The following DLGAP2 variants were observed in gnomAD, a reference collection of about 807,000 sequenced individuals.
The protein encoded by DLGAP2 is disks large-associated protein 2.
A neutral mutation model predicts 100.3 loss-of-function variants in DLGAP2; 26 were observed. That is an observed-to-expected ratio of 0.26 (90% confidence interval 0.19 to 0.36). The LOEUF (loss-of-function observed/expected upper bound fraction) is 0.36, where lower values mean the gene tolerates loss of function less well. DLGAP2 is among the 10% of genes least tolerant of loss of function. The probability of loss-of-function intolerance (pLI) is 1.00; values close to 1 mark genes in which losing one functional copy is unlikely to be tolerated. For synonymous variants in DLGAP2, 886 were observed against 630.1 expected, an observed-to-expected ratio of 1.41 and a Z score of -6.08; for missense variants, 1,858 against 1,453.2, an observed-to-expected ratio of 1.28 and a Z score of -4.53.
intron 12 of DLGAP2, among the ~76,000 whole-genome samples, chr8:1,683,987 T>TATATATATAC (rs1178906686): frequency 3.7e-4 from 37 of 99,666 alleles, no homozygotes; most frequent in African/African-American, 1.2e-3. Flanking sequence ...TATATATATA[T>TATATATATAC]ACTTTTTTTT....
chr8:1,203,430 C>T (rs1472582114), intron 2 of DLGAP2, among the ~76,000 whole-genome samples: 2 of 151,856 alleles, frequency 1.3e-5, no homozygotes, highest in Non-Finnish European at 2.9e-5. Context: ...GACTGATGAC[C>T]CTGAGAGTTG....
intron 3 of DLGAP2, among the ~76,000 whole-genome samples, chr8:1,497,213 G>A (rs1271861407): frequency 6.6e-6 from 1 of 152,188 alleles, no homozygotes; most frequent in Non-Finnish European, 1.5e-5. Flanking sequence ...AGACTTCTCA[G>A]TCAAAGGCAC....
chr8:1,126,944 C>T (rs931838458), intron 2 of DLGAP2, among the ~76,000 whole-genome samples: 1 of 151,602 alleles, frequency 6.6e-6, no homozygotes, highest in Non-Finnish European at 1.5e-5. Context: ...TTATGAGGGA[C>T]CCCCAACCTT....
At chr8:1,693,684 A>G (rs553399280) in intron 13 of DLGAP2, among the ~76,000 whole-genome samples, 23 of 152,328 alleles carry the variant, frequency 1.5e-4, no homozygotes, top group African/African-American at 4.8e-4. Flanking sequence ...TAGGATCATT[A>G]AAAAGTATGC....
chr8:1,489,254 G>A (rs1180852420), intron 3 of DLGAP2, among the ~76,000 whole-genome samples: 1 of 152,188 alleles, frequency 6.6e-6, no homozygotes, highest in Non-Finnish European at 1.5e-5. Flanking sequence ...GGAAAAAATG[G>A]GACCGTCAGC....
At chr8:917,957 C>G (rs1312592433) in intron 2 of DLGAP2, among the ~76,000 whole-genome samples, 1 of 152,128 alleles carries the variant, frequency 6.6e-6, no homozygotes, top group African/African-American at 2.4e-5. Context: ...TGCCTCATGA[C>G]TTTCTGAGAT....
intron 2 of DLGAP2, among the ~76,000 whole-genome samples, chr8:989,167 C>A (rs147260434): frequency 6.6e-6 from 1 of 152,150 alleles, no homozygotes; most frequent in Non-Finnish European, 1.5e-5. Flanking sequence ...TCCACACTGG[C>A]CTTTGATCAG....
At chr8:1,459,481 A>G (rs1041454165) in intron 3 of DLGAP2, among the ~76,000 whole-genome samples, 2 of 152,178 alleles carry the variant, frequency 1.3e-5, no homozygotes, top group South Asian at 4.1e-4. Flanking sequence ...GTTCTATTCC[A>G]TGCACGCTTG....
chr8:1,540,273 A>G lies in DLGAP2; in HGVS notation c.173-8353A>G, dbSNP rs1381213054. Among the ~76,000 whole-genome samples the G allele has an allele frequency of 2.0e-5, 3 of 152,118 alleles. No homozygotes were observed. The South Asian group carries it at 6.2e-4, about 32-fold the overall frequency. ...CCCCGCGTTTTTTAGAGTGTTTGTC[A>G]CTGTCTGACGTTTGCCTGTTTATCT... On this transcript the variant is annotated intron_variant, in intron 4 of 14. Coordinates refer to ENST00000637795, the MANE Select transcript of DLGAP2 (RefSeq NM_001346810.2).
At chr8:888,908 C>G (rs771641798) in intron 1 of DLGAP2, among the ~76,000 whole-genome samples, 4 of 152,074 alleles carry the variant, frequency 2.6e-5, no homozygotes, top group Non-Finnish European at 5.9e-5. Flanking sequence ...GACCACCAAA[C>G]AGGTTTTGTG....
intron 2 of DLGAP2, among the ~76,000 whole-genome samples, chr8:969,008 C>T (rs937155049): frequency 6.6e-6 from 1 of 152,174 alleles, no homozygotes; most frequent in African/African-American, 2.4e-5. Context: ...GTGGGTTCAT[C>T]TGTGGCTCAG....
chr8:1,548,470 A>C (rs1039071212), intron 4 of DLGAP2, among the ~76,000 whole-genome samples, 156 bp from the exon 5 acceptor site: 1 of 149,676 alleles, frequency 6.7e-6, no homozygotes, highest in Non-Finnish European at 1.5e-5. Context: ...AAAAAAAAAA[A>C]AAAAAAAAAA....
chr8:856,356 T>C (rs969651322), intron 1 of DLGAP2, among the ~76,000 whole-genome samples: 1 of 151,988 alleles, frequency 6.6e-6, no homozygotes, highest in African/African-American at 2.4e-5. Context: ...GCCTGGCTAA[T>C]TTTGTATTTT....
intron 3 of DLGAP2, among the ~76,000 whole-genome samples, chr8:1,409,069 A>G (rs576285203): frequency 1.3e-5 from 2 of 152,144 alleles, no homozygotes; most frequent in African/African-American, 4.8e-5. Flanking sequence ...CCCCTTCCTC[A>G]CTGTAGCAGG....
At chr8:1,685,779 T>G (rs1585063305) in intron 12 of DLGAP2, among the ~76,000 whole-genome samples, 1 of 150,458 alleles carries the variant, frequency 6.6e-6, no homozygotes, top group East Asian at 1.9e-4. Flanking sequence ...TGAATAGGCA[T>G]TTCTCAAAAG....
chr8:1,701,494 C>T lies in DLGAP2; in HGVS notation c.*88C>T, dbSNP rs542565313. 3.7e-6 allele frequency: 5 copies of T among 1,351,006 alleles called. No individual in the cohort carries two copies. Among genetic ancestry groups the T allele is most frequent in the Non-Finnish European group, 5.0e-6 (5 of 1,003,522 alleles). The allele number at this position is 1,351,006 out of a possible 1,614,324, so 83.7% of individuals were successfully genotyped here. On this transcript the variant is annotated 3_prime_UTR_variant, in exon 15 of 15. Transcript: ENST00000637795. ...GCCGCCCTGGTGGTTTCTGTCTCCT[C>T]CTCCCGCTGAACACGTCCTCGCTCC...
intron 3 of DLGAP2, among the ~76,000 whole-genome samples, chr8:1,350,649 T>A (rs371445493): frequency 1.7e-4 from 8 of 47,038 alleles, no homozygotes; most frequent in East Asian, 1.1e-3. Context: ...GGGTCCTGAC[T>A]GTGCGTGGAA....
At chr8:1,102,629 C>T (rs2701920) in intron 2 of DLGAP2, among the ~76,000 whole-genome samples, 6 of 152,278 alleles carry the variant, frequency 3.9e-5, no homozygotes, top group African/African-American at 1.4e-4. Context: ...AATGTTATCT[C>T]CCCACTGGGC....
chr8:975,252 A>C (rs1800133387), intron 2 of DLGAP2, among the ~76,000 whole-genome samples: 2 of 152,340 alleles, frequency 1.3e-5, no homozygotes, highest in South Asian at 2.1e-4. Flanking sequence ...AATAACTAAT[A>C]ACTTTCCAAA....
Sources: allele counts gnomAD v4.1 joint callset (sites outside exome capture counted in the v4.1 genomes callset), GRCh38; gene constraint gnomAD v4.1.1; transcripts MANE v1.5; gene names NCBI Gene and HGNC (gene_info 2026-07-23, HGNC 2026-07-21).